DDR2: variants seen among roughly 807,000 people sequenced by gnomAD.
DDR2 encodes discoidin domain receptor tyrosine kinase 2, also known as discoidin domain-containing receptor 2.
Under a neutral mutation model 94.9 loss-of-function variants are expected in DDR2, and 27 were observed. The observed-to-expected ratio is 0.28, with a 90% confidence interval of 0.21 to 0.39. The LOEUF (loss-of-function observed/expected upper bound fraction) is 0.39. Ranked by LOEUF, DDR2 falls within the 10% of genes least tolerant of loss-of-function variation. DDR2 has a pLI of 1.00. For missense variants in DDR2, 783 were observed against 1,076.0 expected, an observed-to-expected ratio of 0.73 and a Z score of 3.81; for synonymous variants, 382 against 377.2, an observed-to-expected ratio of 1.01 and a Z score of -0.15.
chr1:162,712,357 T>C (rs1291994958), intron 2 of DDR2, among the ~76,000 whole-genome samples: 3 of 151,656 alleles, frequency 2.0e-5, no homozygotes, highest in Admixed American at 6.6e-5. Flanking sequence ...GATTTGGCCC[T>C]GAATGTGTCT....
At chr1:162,675,033 C>T (rs930865320) in intron 2 of DDR2, among the ~76,000 whole-genome samples, 27 of 151,980 alleles carry the variant, frequency 1.8e-4, no homozygotes, top group Admixed American at 4.6e-4. Context: ...TGGTGGGCAC[C>T]TGTAATTTCA....
At chr1:162,737,136 T>A (rs114890828) in intron 3 of DDR2, among the ~76,000 whole-genome samples, 2,867 of 139,716 alleles carry the variant, frequency 0.021, 72 homozygotes, top group African/African-American at 0.059. Flanking sequence ...CAGTTTTATT[T>A]TTTATTTATT....
At chr1:162,662,203 A>T (rs1336282340) in intron 2 of DDR2, among the ~76,000 whole-genome samples, 1 of 152,176 alleles carries the variant, frequency 6.6e-6, no homozygotes, top group Non-Finnish European at 1.5e-5. Flanking sequence ...CAATGTATTC[A>T]TTCATTCATT....
intron 2 of DDR2, among the ~76,000 whole-genome samples, chr1:162,693,339 A>G (rs7512864): frequency 0.032 from 4,835 of 152,310 alleles, 95 homozygotes; most frequent in Non-Finnish European, 0.049. Flanking sequence ...CTAAAAAGCA[A>G]AGGAGCTTCT....
chr1:162,681,344 C>G (rs918892935), intron 2 of DDR2, among the ~76,000 whole-genome samples: 3 of 152,034 alleles, frequency 2.0e-5, no homozygotes, highest in Non-Finnish European at 2.9e-5. Flanking sequence ...TTTCTTTATG[C>G]TAGTTACCCA....
At chr1:162,740,475 C>G (rs976004715) in intron 3 of DDR2, among the ~76,000 whole-genome samples, 19 of 152,274 alleles carry the variant, frequency 1.2e-4, no homozygotes, top group African/African-American at 4.3e-4. Flanking sequence ...TTGCTGTTCC[C>G]CTTGCATAAA....
intron 2 of DDR2, among the ~76,000 whole-genome samples, chr1:162,712,035 G>A (rs531764275): frequency 1.1e-3 from 169 of 151,920 alleles, no homozygotes; most frequent in African/African-American, 3.7e-3. Context: ...TTTCTCACTT[G>A]GCAGGTCAAA....
At chr1:162,690,757 G>A (rs1317196412) in intron 2 of DDR2, among the ~76,000 whole-genome samples, 3 of 152,130 alleles carry the variant, frequency 2.0e-5, no homozygotes, top group African/African-American at 7.2e-5. Context: ...AGTAATTTTT[G>A]TTTGAATCAC....
At chr1:162,763,175 T>C (rs1329878816) in intron 9 of DDR2, among the ~76,000 whole-genome samples, 1 of 150,992 alleles carries the variant, frequency 6.6e-6, no homozygotes, top group African/African-American at 2.4e-5. Flanking sequence ...TGTCTTTGAC[T>C]AGAGTTTGCA....
At position 162,780,454 on chromosome 1, in the gene DDR2, G is replaced by GA; in HGVS notation, c.*208_*209insA. ...TTTTTTACATTAAAGAACTAAAAAAGGAAAAAAAAAAGCCTAGGGCAGATA... is the reference window on the plus strand; with the variant it reads ...TTTTTTACATTAAAGAACTAAAAAAGAGAAAAAAAAAAGCCTAGGGCAGATA... On this transcript the variant is annotated 3_prime_UTR_variant, in exon 18 of 18. Coordinates refer to ENST00000367921, the MANE Select transcript of DDR2 (RefSeq NM_006182.4). The GA allele has an allele frequency of 1.6e-6, 1 of 606,144 alleles. No homozygotes were observed. The highest frequency in any genetic ancestry group is 1.9e-5 in the African/African-American group (1 of 51,312). The allele number at this position is 606,144 out of a possible 1,614,324, so 37.5% of individuals were successfully genotyped here.
intron 9 of DDR2, among the ~76,000 whole-genome samples, chr1:162,764,207 G>C (rs1298820769): frequency 6.6e-6 from 1 of 152,088 alleles, no homozygotes; most frequent in East Asian, 1.9e-4. Context: ...TATTCCATTT[G>C]TTTCAACCTT....
At chr1:162,718,182 C>G (rs1399788450) in intron 2 of DDR2, among the ~76,000 whole-genome samples, 1 of 152,088 alleles carries the variant, frequency 6.6e-6, no homozygotes, top group Non-Finnish European at 1.5e-5. Flanking sequence ...TTGTCATACC[C>G]CATCATCTTT....
chr1:162,720,410 A>G (rs933400723), intron 3 of DDR2, among the ~76,000 whole-genome samples: 5 of 151,324 alleles, frequency 3.3e-5, no homozygotes, highest in Non-Finnish European at 7.4e-5. Flanking sequence ...GAATTAGATG[A>G]TGCATAAATA....
At chr1:162,666,630 T>C (rs1435805311) in intron 2 of DDR2, among the ~76,000 whole-genome samples, 1 of 152,158 alleles carries the variant, frequency 6.6e-6, no homozygotes, top group African/African-American at 2.4e-5. Flanking sequence ...GGAGCATGTA[T>C]GTAAAATCAT....
intron 2 of DDR2, among the ~76,000 whole-genome samples, chr1:162,705,939 C>G (rs1660642354): frequency 6.6e-6 from 1 of 152,182 alleles, no homozygotes; most frequent in Non-Finnish European, 1.5e-5. Context: ...AATATTCTTG[C>G]CCTTCAGGGA....
intron 2 of DDR2, among the ~76,000 whole-genome samples, chr1:162,698,334 A>T (rs1048906217): frequency 6.6e-6 from 1 of 152,092 alleles, no homozygotes; most frequent in East Asian, 1.9e-4. Flanking sequence ...CTGTATGCAC[A>T]CTTGAGGCTG....
chr1:162,657,474 T>A (rs1397340166), intron 2 of DDR2, among the ~76,000 whole-genome samples: 1 of 152,214 alleles, frequency 6.6e-6, no homozygotes. Context: ...AAGTTATTAA[T>A]AGGTAATCTG....
Position 162,786,762 on chromosome 1 carries a change from T to C in DDR2, c.*6516T>C, listed in dbSNP as rs1648166463. On this transcript the variant is annotated 3_prime_UTR_variant, in exon 18 of 18. Coordinates refer to ENST00000367921, the MANE Select transcript of DDR2 (RefSeq NM_006182.4). Reference sequence around the variant, plus strand: ...AGACCTCTAACATATGAGTTGACTGTTTATTGGGAAGAAAGCATCTTGGTC... The same window carrying C: ...AGACCTCTAACATATGAGTTGACTGCTTATTGGGAAGAAAGCATCTTGGTC... The C allele has an allele frequency of 6.6e-6, 1 of 152,232 alleles. No individual in the cohort carries two copies. The highest frequency in any genetic ancestry group is 1.5e-5 in the Non-Finnish European group (1 of 68,044). The allele number at this position is 152,232 out of a possible 1,614,324, so 9.4% of individuals were successfully genotyped here.
At chr1:162,748,355 T>A in intron 3 of DDR2, among the ~76,000 whole-genome samples, 1 of 152,102 alleles carries the variant, frequency 6.6e-6, no homozygotes, top group Non-Finnish European at 1.5e-5. Context: ...GCAATCCTAG[T>A]CTCTGATAAA....
Sources: gnomAD v4.1 joint callset for allele counts (sites outside exome capture counted in the v4.1 genomes callset) on GRCh38, gnomAD v4.1.1 for gene constraint, MANE v1.5 for transcripts, NCBI Gene and HGNC (gene_info 2026-07-23, HGNC 2026-07-21) for gene names.